Variants in PBX3 observed in about 807,000 individuals in gnomAD.
The protein encoded by PBX3 is pre-B-cell leukemia transcription factor 3.
A neutral mutation model predicts 48.5 loss-of-function variants in PBX3; 14 were observed. The ratio of observed to expected loss-of-function variants is 0.29; its 90% confidence interval spans 0.19 to 0.45. The LOEUF is 0.45. Among genes scored for constraint, PBX3 ranks in the 20% least tolerant of loss-of-function variants. PBX3 has a pLI of 1.00. For synonymous variants in PBX3, 210 were observed against 200.3 expected (o/e 1.05, Z -0.41); for missense variants, 386 against 546.7 (o/e 0.71, Z 2.93).
At chr9:125,923,857 C>T (rs1303954771) in intron 3 of PBX3, among the ~76,000 whole-genome samples, 1 of 151,388 alleles carries the variant, frequency 6.6e-6, no homozygotes, top group African/African-American at 2.4e-5. Flanking sequence ...TGAACCACTG[C>T]ACCCAGCCTA....
At chr9:125,850,679 A>G (rs1469141835) in intron 2 of PBX3, among the ~76,000 whole-genome samples, 1 of 152,076 alleles carries the variant, frequency 6.6e-6, no homozygotes, top group Non-Finnish European at 1.5e-5. Flanking sequence ...TAATTTGTAA[A>G]GCTTCTCCCC....
chr9:125,761,583 C>T (rs938905453), intron 2 of PBX3, among the ~76,000 whole-genome samples: 1 of 151,980 alleles, frequency 6.6e-6, no homozygotes, highest in Non-Finnish European at 1.5e-5. Flanking sequence ...GAAAAAGCTA[C>T]AGGGCCCCAC....
chr9:125,794,091 T>A (rs1163226318), intron 2 of PBX3, among the ~76,000 whole-genome samples: 1 of 152,216 alleles, frequency 6.6e-6, no homozygotes, highest in Non-Finnish European at 1.5e-5. Flanking sequence ...GAATTCTTAA[T>A]TTTACAAATG....
At chr9:125,959,268 C>G (rs1842374919) in intron 5 of PBX3, among the ~76,000 whole-genome samples, 1 of 152,236 alleles carries the variant, frequency 6.6e-6, no homozygotes, top group Admixed American at 6.5e-5. Flanking sequence ...AGAACAGAAA[C>G]AGCTAGGAAG....
chr9:125,946,650 A>G (rs1786329068), intron 5 of PBX3, among the ~76,000 whole-genome samples: 1 of 152,192 alleles, frequency 6.6e-6, no homozygotes, highest in Non-Finnish European at 1.5e-5. Flanking sequence ...GAAGAGTCCC[A>G]AGAAAATAAT....
At chr9:125,807,119 T>A (rs978804035) in intron 2 of PBX3, among the ~76,000 whole-genome samples, 1 of 152,176 alleles carries the variant, frequency 6.6e-6, no homozygotes, top group Admixed American at 6.5e-5. Context: ...GGCCAGGAGT[T>A]TGAGACCAGC....
chr9:125,895,135 G>A (rs138652924), intron 2 of PBX3, among the ~76,000 whole-genome samples: 7 of 152,186 alleles, frequency 4.6e-5, no homozygotes, highest in African/African-American at 1.7e-4. Flanking sequence ...AGAAGTTTGT[G>A]TTTATACATC....
chr9:125,865,598 A>T (rs981430890), intron 2 of PBX3, among the ~76,000 whole-genome samples: 2 of 152,194 alleles, frequency 1.3e-5, no homozygotes, highest in African/African-American at 4.8e-5. Context: ...CTCCATTCCT[A>T]TAGCCCCAAT....
chr9:125,808,675 T>TA (rs771405474), intron 2 of PBX3, among the ~76,000 whole-genome samples: 1 of 152,100 alleles, frequency 6.6e-6, no homozygotes, highest in Non-Finnish European at 1.5e-5. Flanking sequence ...CAAAATAAAA[T>TA]AAAAAATACA....
At chr9:125,862,933 C>T (rs1181441307) in intron 2 of PBX3, among the ~76,000 whole-genome samples, 2 of 151,538 alleles carry the variant, frequency 1.3e-5, no homozygotes, top group Non-Finnish European at 2.9e-5. Context: ...CTCACTCTGT[C>T]GCCCAGGCTG....
chr9:125,954,294 G>A (rs1207354557), intron 5 of PBX3, among the ~76,000 whole-genome samples: 2 of 152,090 alleles, frequency 1.3e-5, no homozygotes, highest in African/African-American at 2.4e-5. Flanking sequence ...TATTTGTATT[G>A]CTTTGATTAG....
At chr9:125,848,732 A>G (rs748575146) in intron 2 of PBX3, among the ~76,000 whole-genome samples, 2 of 152,030 alleles carry the variant, frequency 1.3e-5, no homozygotes, top group African/African-American at 2.4e-5. Context: ...TCTAGACGGT[A>G]GAGATACAGT....
intron 2 of PBX3, among the ~76,000 whole-genome samples, chr9:125,844,000 A>G (rs1370763193): frequency 1.3e-5 from 2 of 152,150 alleles, no homozygotes; most frequent in Non-Finnish European, 2.9e-5. Flanking sequence ...GTGAAGGTTT[A>G]TAAAATGCAA....
At chr9:125,925,598 C>T (rs551404266) in intron 3 of PBX3, among the ~76,000 whole-genome samples, 17 of 152,208 alleles carry the variant, frequency 1.1e-4, no homozygotes, top group East Asian at 3.9e-4. Flanking sequence ...GGACCACAGG[C>T]GTGCCACCAT....
intron 2 of PBX3, among the ~76,000 whole-genome samples, chr9:125,862,191 G>A (rs748182513): frequency 1.2e-4 from 19 of 152,178 alleles, no homozygotes; most frequent in Non-Finnish European, 2.5e-4. Context: ...TCCTGGTGGC[G>A]TTACTAGGTA....
At chr9:125,914,426 G>A (rs1841277877) in intron 2 of PBX3, among the ~76,000 whole-genome samples, 2 of 152,190 alleles carry the variant, frequency 1.3e-5, no homozygotes, top group South Asian at 4.1e-4. Context: ...TCATGCCATG[G>A]ATGTAATTCA....
intron 2 of PBX3, among the ~76,000 whole-genome samples, chr9:125,780,398 T>A (rs1588138983): frequency 1.1e-5 from 1 of 94,496 alleles, no homozygotes; most frequent in Non-Finnish European, 2.1e-5. Context: ...ACGGGGCGGC[T>A]GGCCGGGCGG....
At chr9:125,868,293 T>G (rs1484768235) in intron 2 of PBX3, among the ~76,000 whole-genome samples, 1 of 152,218 alleles carries the variant, frequency 6.6e-6, no homozygotes, top group Non-Finnish European at 1.5e-5. Flanking sequence ...ATACCCATTT[T>G]ATAAAGAAAA....
intron 2 of PBX3, among the ~76,000 whole-genome samples, chr9:125,904,987 C>G (rs1190969237): frequency 6.6e-6 from 1 of 151,882 alleles, no homozygotes; most frequent in African/African-American, 2.4e-5. Context: ...CTAAAACACC[C>G]AGTTCAAAAT....
Sources: allele counts gnomAD v4.1 joint callset (sites outside exome capture counted in the v4.1 genomes callset), GRCh38; gene constraint gnomAD v4.1.1; transcripts MANE v1.5; gene names NCBI Gene and HGNC (gene_info 2026-07-23, HGNC 2026-07-21).